The following BAZ1A variants were observed in gnomAD, a reference collection of about 807,000 sequenced individuals.
BAZ1A encodes the protein bromodomain adjacent to zinc finger domain 1A, also known as bromodomain adjacent to zinc finger domain protein 1A.
Under a neutral mutation model 185.2 loss-of-function variants are expected in BAZ1A, and 50 were observed. The ratio of observed to expected loss-of-function variants is 0.27; its 90% confidence interval spans 0.22 to 0.34. The LOEUF is 0.34. Among genes scored for constraint, BAZ1A ranks in the 10% least tolerant of loss-of-function variants. BAZ1A has a pLI of 1.00. For synonymous variants in BAZ1A, 571 were observed against 615.6 expected (o/e 0.93, Z 1.07); for missense variants, 1,356 against 1,839.9 (o/e 0.74, Z 4.81).
chr14:34,754,969 T>C, intron 25 of BAZ1A, 55 bp from the exon 26 acceptor site: 2 of 1,358,052 alleles, frequency 1.5e-6, no homozygotes, highest in South Asian at 1.3e-5. Context: ...TGGAAAGAAG[T>C]GTTCAAATAA....
At chr14:34,823,336 A>C (rs1460367893) in intron 4 of BAZ1A, among the ~76,000 whole-genome samples, 5 of 151,804 alleles carry the variant, frequency 3.3e-5, no homozygotes, top group African/African-American at 1.2e-4. Flanking sequence ...CCTGGGCGAC[A>C]GAGTGAGACT....
intron 4 of BAZ1A, among the ~76,000 whole-genome samples, chr14:34,812,289 TAA>T (rs1186618005): frequency 1.3e-5 from 2 of 151,774 alleles, no homozygotes; most frequent in African/African-American, 4.8e-5. Flanking sequence ...ATGAATTTTT[TAA>T]AAAAGAGAAA....
Position 34,758,693 on chromosome 14 carries a change from C to A in BAZ1A, c.4386+11G>T, listed in dbSNP as rs1362584349. On this transcript the variant is annotated intron_variant, in intron 25 of 26. Transcript: ENST00000360310. ...TATACAGGAATACATTTTATCAAGT[C>A]TAGTAATTACCTGGATTTTAGAAAC... is the stretch of plus-strand genomic sequence containing the variant. 1 of 1,613,068 alleles carries A rather than the reference C, an allele frequency of 6.2e-7. No individual in the cohort carries two copies. Among genetic ancestry groups the A allele is most frequent in the Non-Finnish European group, 8.5e-7 (1 of 1,179,308 alleles).
chr14:34,868,307 A>ACCCCT lies in BAZ1A; in HGVS notation c.114-5990_114-5986dup, dbSNP rs749967229. On this transcript the variant is annotated intron_variant, in intron 2 of 26. Coordinates refer to ENST00000360310, the MANE Select transcript of BAZ1A (RefSeq NM_013448.3). ...GGCCCTTTGCGGAAAAAATTTGATGACCCCTCCTCTTTACCATTATTTCAT... is the reference window on the plus strand; with the variant it reads ...GGCCCTTTGCGGAAAAAATTTGATGACCCCTCCCCTCCTCTTTACCATTATTTCAT... Among the ~76,000 whole-genome samples, 3 of 152,078 alleles carry ACCCCT rather than the reference A, an allele frequency of 2.0e-5. No homozygotes were observed. The East Asian group carries it at 5.8e-4, about 29-fold the overall frequency.
chr14:34,792,958 G>A (rs1343196727), intron 11 of BAZ1A, 37 bp from the exon 12 acceptor site: 1 of 1,560,766 alleles, frequency 6.4e-7, no homozygotes, highest in Admixed American at 2.1e-5. Context: ...TTAAAGTTCT[G>A]TTCATGTACT....
At chr14:34,805,328 C>T (rs1881798657) in intron 6 of BAZ1A, among the ~76,000 whole-genome samples, 1 of 152,112 alleles carries the variant, frequency 6.6e-6, no homozygotes, top group Non-Finnish European at 1.5e-5. Context: ...TTATTGTGAC[C>T]TTAATTCCCA....
chr14:34,845,780 G>A (rs1447720089), intron 3 of BAZ1A, among the ~76,000 whole-genome samples: 2 of 149,742 alleles, frequency 1.3e-5, no homozygotes, highest in African/African-American at 4.9e-5. Flanking sequence ...AGAATCACTT[G>A]AACCCAGGAG....
intron 12 of BAZ1A, among the ~76,000 whole-genome samples, chr14:34,787,185 T>C (rs1880516270): frequency 1.3e-5 from 2 of 148,558 alleles, no homozygotes; most frequent in African/African-American, 5.0e-5. Context: ...AAACCCCGTC[T>C]CTACTAAAAA....
chr14:34,857,981 T>C (rs972904512), intron 3 of BAZ1A, among the ~76,000 whole-genome samples: 6 of 152,236 alleles, frequency 3.9e-5, no homozygotes, highest in Non-Finnish European at 8.8e-5. Context: ...TTGTTTTGCA[T>C]TATTTATACT....
Position 34,783,811 on chromosome 14 carries a change from C to T in BAZ1A, c.1948G>A (p.Glu650Lys). 6.2e-7 allele frequency: 1 copy of T among 1,613,268 alleles called. No homozygotes were observed. The change falls in exon 15 of 27, where the codon GAA becomes AAA. Residue 650 changes from glutamate (E) to lysine (K), a missense_variant. By Grantham distance (56) the Glu-to-Lys change is moderately conservative. Around this residue, in one of 7 missense-constraint regions of BAZ1A, gnomAD observed 434 missense variants for 561.7 expected, o/e 0.77. Transcript: ENST00000360310. The part of the protein sequence containing the change: ...ILRQAKQEFR[E>K]LKAEQHRKER... ...TTTCGATGTTGTTCTGCTTTTAATT[C>T]CCGGAACTCCTGCTTTGCCTGTCGT... is the stretch of plus-strand genomic sequence containing the variant.
chr14:34,783,255 G>C (rs1463887824), intron 15 of BAZ1A, 23 bp from the exon 16 acceptor site: 1 of 1,421,378 alleles, frequency 7.0e-7, no homozygotes, highest in South Asian at 1.2e-5. Flanking sequence ...ATGAAATATG[G>C]TAGTCTATCT....
At position 34,776,034 on chromosome 14, in the gene BAZ1A, T is replaced by A. The variant is rs760565505; in HGVS notation, c.2718A>T (p.Glu906Asp). 6.2e-7 allele frequency: 1 copy of A among 1,614,092 alleles called. No individual in the cohort carries two copies. The highest frequency in any genetic ancestry group is 1.3e-5 in the African/African-American group (1 of 74,942). ...SSCEQLDQLI[E>D]ALNSRGHRES... ...CTCTATGTCCTCTAGAATTAAGAGC[T>A]TCAATAAGCTGGTCTAGCTGTTCAC... is the stretch of plus-strand genomic sequence containing the variant. The change falls in exon 18 of 27, where the codon GAA becomes GAT. Residue 906 changes from glutamate (E) to aspartate (D), a missense_variant. Around this residue, in one of 7 missense-constraint regions of BAZ1A, gnomAD observed 434 missense variants for 561.7 expected, o/e 0.77. Transcript: ENST00000360310.
chr14:34,874,771 G>A lies in BAZ1A; in HGVS notation c.-58-109C>T. ...CTCGGCTGCCTTTTGTGTGACTGAC[G>A]CGCCGCGGCCGCTACCGGAGCCGAG... On this transcript the variant is annotated intron_variant, in intron 1 of 26. Transcript: ENST00000360310. The surrounding 1 kb of genome is among the most constrained non-coding windows in gnomAD (Gnocchi z 4.7). 1.9e-6 allele frequency: 1 copy of A among 538,002 alleles called. No homozygotes were observed. 33.3% of individuals were successfully genotyped at this position (538,002 alleles called of 1,614,324 possible). A position where few individuals can be genotyped will look rare whatever the true frequency, so the allele number is the denominator to read the frequency against.
Position 34,823,755 on chromosome 14 carries a change from T to TA in BAZ1A, c.536+2257dup, listed in dbSNP as rs564312760. On this transcript the variant is annotated intron_variant, in intron 4 of 26. Transcript: ENST00000360310. ...TATACAAAATCTGTGTTCAATCCTT[T>TA]AAGACTGGGCTTAGTTTTTTTATCT... 5.3e-5 allele frequency among the ~76,000 whole-genome samples: 8 copies of TA among 152,328 alleles called. No homozygotes were observed. In the South Asian group the frequency reaches 1.7e-3, roughly 32 times the overall value.
chr14:34,851,135 C>T (rs1403799328), intron 3 of BAZ1A, among the ~76,000 whole-genome samples: 1 of 151,842 alleles, frequency 6.6e-6, no homozygotes, highest in Non-Finnish European at 1.5e-5. Flanking sequence ...GAGTTCAAGA[C>T]CATCTTGGCC....
intron 14 of BAZ1A, among the ~76,000 whole-genome samples, 163 bp downstream of exon 14, chr14:34,785,612 AAG>A (rs1248627886): frequency 6.6e-6 from 1 of 152,240 alleles, no homozygotes; most frequent in African/African-American, 2.4e-5. Context: ...CCAAATAAAA[AAG>A]ACAATCATAA....
chr14:34,803,048 T>C (rs962744553), intron 6 of BAZ1A, 60 bp from the exon 7 acceptor site: 1 of 1,483,990 alleles, frequency 6.7e-7, no homozygotes, highest in African/African-American at 1.4e-5. Context: ...CATACAGATA[T>C]GCCCTAACAT....
chr14:34,832,189 T>TACACACACACAC (rs1279966806), intron 3 of BAZ1A, among the ~76,000 whole-genome samples: 1 of 65,944 alleles, frequency 1.5e-5, no homozygotes, highest in African/African-American at 5.1e-5. Context: ...CATATATACA[T>TACACACACACAC]ATACACACAC....
At chr14:34,836,500 A>G (rs973340110) in intron 3 of BAZ1A, among the ~76,000 whole-genome samples, 1 of 151,816 alleles carries the variant, frequency 6.6e-6, no homozygotes, top group Non-Finnish European at 1.5e-5. Flanking sequence ...AAGGGAAAGA[A>G]GATCTAGAAG....
Sources: gnomAD v4.1 joint callset for allele counts (sites outside exome capture counted in the v4.1 genomes callset) on GRCh38, gnomAD v4.1.1 for gene constraint, gnomAD v4.1.1 regional missense constraint, Gnocchi (gnomAD v3.1) non-coding constraint, MANE v1.5 for transcripts, NCBI Gene and HGNC (gene_info 2026-07-23, HGNC 2026-07-21) for gene names.